The following MAPKAPK3 variants were observed in gnomAD, a reference collection of about 807,000 sequenced individuals.
MAPKAPK3 encodes MAP kinase-activated protein kinase 3.
A neutral mutation model predicts 49.2 loss-of-function variants in MAPKAPK3; 35 were observed. The ratio of observed to expected loss-of-function variants is 0.71; its 90% CI spans 0.54 to 0.94. The LOEUF (loss-of-function observed/expected upper bound fraction) is 0.94. Among genes scored for constraint, MAPKAPK3 ranks in the 40% least tolerant of loss-of-function variants. The pLI is 0.00. For synonymous variants in MAPKAPK3, 178 were observed against 188.7 expected, an observed-to-expected ratio of 0.94 and a Z score of 0.46; for missense variants, 398 against 493.1, an observed-to-expected ratio of 0.81 and a Z score of 1.83.
chr3:50,647,579 A>G (rs1351929670), intron 10 of MAPKAPK3, among the ~76,000 whole-genome samples: 1 of 152,278 alleles, frequency 6.6e-6, no homozygotes, highest in Non-Finnish European at 1.5e-5. Context: ...CTGGTTGCCC[A>G]GCGAGATGGC....
chr3:50,625,512 C>T (rs1233596206), intron 2 of MAPKAPK3, among the ~76,000 whole-genome samples: 1 of 152,156 alleles, frequency 6.6e-6, no homozygotes, highest in Non-Finnish European at 1.5e-5. Context: ...ACGAGGCTCC[C>T]GTTTGGGGAA....
upstream of MAPKAPK3, among the ~76,000 whole-genome samples, chr3:50,613,556 C>G (rs972848439): frequency 5.3e-5 from 8 of 152,234 alleles, no homozygotes; most frequent in Non-Finnish European, 1.0e-4. Context: ...CCAGTAGGAA[C>G]TGTCCACTGT....
At chr3:50,643,478 G>A (rs1427933807) in intron 5 of MAPKAPK3, among the ~76,000 whole-genome samples, 3 of 152,156 alleles carry the variant, frequency 2.0e-5, no homozygotes, top group South Asian at 2.1e-4. Context: ...AGCCTAGAAC[G>A]TTACCTTCCT....
Position 50,640,434 on chromosome 3 carries a change from T to C in MAPKAPK3, c.288T>C (p.His96=). The stretch of plus-strand genomic sequence containing the variant: ...ACTGGCAGGCTTCTGGCGGCCCCCA[T>C]ATTGTCTGCATCCTGGATGTGTATG... ...DHHWQASGGP[H]IVCILDVYEN... is the part of the protein sequence containing the mutation. The change falls in exon 3 of 11, where the codon CAT becomes CAC. Residue 96 remains histidine, a synonymous_variant. Coordinates refer to ENST00000621469, the MANE Select transcript of MAPKAPK3 (RefSeq NM_001243925.2). The C allele has an allele frequency of 6.2e-7, 1 of 1,614,042 alleles. No individual in the cohort carries two copies. Among genetic ancestry groups the C allele is most frequent in the Non-Finnish European group, 8.5e-7 (1 of 1,179,982 alleles).
Position 50,647,864 on chromosome 3 carries a change from C to T in MAPKAPK3, c.997-30C>T, listed in dbSNP as rs557281819. On this transcript the variant is annotated intron_variant, in intron 10 of 10. Coordinates refer to ENST00000621469, the MANE Select transcript of MAPKAPK3 (RefSeq NM_001243925.2). ...TCCTAAGGTCAGTACATCCTGACCT[C>T]TTAGTGCCCACCATCCTGTCTGTCC... 5.0e-6 allele frequency: 8 copies of T among 1,600,074 alleles called. No individual in the cohort carries two copies. The East Asian group carries it at 1.8e-4, about 36-fold the overall frequency.
intron 2 of MAPKAPK3, among the ~76,000 whole-genome samples, chr3:50,637,257 GC>G (rs745801437): frequency 6.6e-5 from 10 of 152,248 alleles, no homozygotes; most frequent in Non-Finnish European, 1.3e-4. Context: ...TTCCTGCCAG[GC>G]CCCAGCCAGG....
At chr3:50,635,920 C>CAAAA (rs748358137) in intron 2 of MAPKAPK3, among the ~76,000 whole-genome samples, 5 of 73,486 alleles carry the variant, frequency 6.8e-5, no homozygotes, top group African/African-American at 3.7e-4. Context: ...CCGTCTCTAC[C>CAAAA]AAAAAAAAAA....
intron 2 of MAPKAPK3, among the ~76,000 whole-genome samples, chr3:50,622,954 C>G (rs1034662535): frequency 6.6e-5 from 10 of 152,362 alleles, no homozygotes; most frequent in South Asian, 2.1e-4. Context: ...ATGCCTCACT[C>G]TCCCTGGGGG....
Position 50,648,093 on chromosome 3 carries a change from C to G in MAPKAPK3, c.*47C>G. ...CTGGCCTCTCAGCCTGCATAACAGA[C>G]TGAAATGTGCTCAGGCCCTGGCCAG... On this transcript the variant is annotated 3_prime_UTR_variant, in exon 11 of 11. Coordinates refer to ENST00000621469, the MANE Select transcript of MAPKAPK3 (RefSeq NM_001243925.2). The G allele has an allele frequency of 1.3e-6, 2 of 1,572,390 alleles. No homozygotes were observed. Among genetic ancestry groups the G allele is most frequent in the Admixed American group, 1.9e-5 (1 of 52,968 alleles).
rs573666440 is a variant in MAPKAPK3, at chr3:50,632,726, G to C, written c.220-7640G>C. On this transcript the variant is annotated intron_variant, in intron 2 of 10. Transcript: ENST00000621469. ...CTGGCAGAGGCCATACAACAGCCTG[G>C]CCGGGGCTGCAGGTTAATTGGCCAG... is the stretch of plus-strand genomic sequence containing the variant. 5.9e-5 allele frequency among the ~76,000 whole-genome samples: 9 copies of C among 152,396 alleles called. No homozygotes were observed. In the East Asian group the frequency reaches 1.7e-3, roughly 29 times the overall value.
chr3:50,611,644 G>C (rs1167039251), upstream of MAPKAPK3: 2 of 1,499,476 alleles, frequency 1.3e-6, no homozygotes, highest in Admixed American at 4.7e-5. Flanking sequence ...TGAACGCAGA[G>C]GACCATGTCC....
intron 2 of MAPKAPK3, among the ~76,000 whole-genome samples, chr3:50,634,971 C>T (rs1433087919): frequency 6.6e-6 from 1 of 152,210 alleles, no homozygotes; most frequent in Non-Finnish European, 1.5e-5. Context: ...GAACGCCTGT[C>T]TAGAAGTCTG....
At chr3:50,636,399 A>C (rs565300816) in intron 2 of MAPKAPK3, among the ~76,000 whole-genome samples, 55 of 152,374 alleles carry the variant, frequency 3.6e-4, no homozygotes, top group African/African-American at 1.2e-3. Flanking sequence ...TTGAAAGTAC[A>C]ATATCTGTAT....
chr3:50,619,771 C>A (rs1283567661), intron 2 of MAPKAPK3, among the ~76,000 whole-genome samples: 1 of 152,194 alleles, frequency 6.6e-6, no homozygotes, highest in Non-Finnish European at 1.5e-5. Flanking sequence ...TTAAGTAAGA[C>A]TGGACTTAAC....
chr3:50,632,256 C>T (rs1285178310), intron 2 of MAPKAPK3, among the ~76,000 whole-genome samples: 1 of 152,170 alleles, frequency 6.6e-6, no homozygotes, highest in Non-Finnish European at 1.5e-5. Flanking sequence ...TATCTGTGCT[C>T]CTCTTCATGG....
intron 2 of MAPKAPK3, among the ~76,000 whole-genome samples, chr3:50,631,338 G>T (rs184101535): frequency 6.6e-6 from 1 of 150,406 alleles, no homozygotes; most frequent in South Asian, 2.1e-4. Context: ...GGGAGGACAT[G>T]GGGGGCAGGA....
intron 2 of MAPKAPK3, among the ~76,000 whole-genome samples, chr3:50,634,489 TTC>T (rs767952059): frequency 3.3e-5 from 5 of 150,768 alleles, no homozygotes; most frequent in Non-Finnish European, 4.4e-5. Context: ...TATCTTCTTC[TTC>T]TTTTTTTTTT....
intron 10 of MAPKAPK3, among the ~76,000 whole-genome samples, 184 bp from the exon 11 acceptor site, chr3:50,647,710 A>G (rs1482998091): frequency 6.6e-6 from 1 of 152,268 alleles, no homozygotes; most frequent in Non-Finnish European, 1.5e-5. Context: ...CTCAGTGTCT[A>G]CCACAGAGGA....
chr3:50,640,238 C>A (rs535585139), intron 2 of MAPKAPK3, 128 bp from the exon 3 acceptor site: 1 of 914,872 alleles, frequency 1.1e-6, no homozygotes, highest in Admixed American at 2.5e-5. Flanking sequence ...GATTCAAATT[C>A]TCATTCTGCT....
Sources: allele counts gnomAD v4.1 joint callset (sites outside exome capture counted in the v4.1 genomes callset), GRCh38; gene constraint gnomAD v4.1.1; transcripts MANE v1.5; gene names NCBI Gene and HGNC (gene_info 2026-07-23, HGNC 2026-07-21).